SELP: variants seen among roughly 807,000 people sequenced by gnomAD.
SELP encodes the protein selectin P.
SELP carries 92 observed loss-of-function variants against 104.1 expected under a neutral mutation model. The ratio of observed to expected loss-of-function variants is 0.88; its 90% confidence interval spans 0.75 to 1.05. The LOEUF is 1.05. Ranked by LOEUF, SELP falls within the 50% of genes least tolerant of loss-of-function variation. The pLI is 0.00. For synonymous variants in SELP, 397 were observed against 364.5 expected (o/e 1.09, Z -1.01); for missense variants, 1,022 against 1,017.3 (o/e 1.00, Z -0.06).
At chr1:169,593,516 G>T in intron 14 of SELP, 89 bp downstream of exon 14, 1 of 1,104,184 alleles carries the variant, frequency 9.1e-7, no homozygotes, top group Non-Finnish European at 1.3e-6. Flanking sequence ...CTGAAGTTGT[G>T]GTTTTTGCCT....
chr1:169,625,313 T>C (rs1387677244), intron 1 of SELP, among the ~76,000 whole-genome samples: 2 of 152,216 alleles, frequency 1.3e-5, no homozygotes, highest in Non-Finnish European at 2.9e-5. Flanking sequence ...CTGAGTCTTC[T>C]TCTGAATCTA....
intron 1 of SELP, among the ~76,000 whole-genome samples, chr1:169,626,361 C>T (rs1663373563): frequency 6.6e-6 from 1 of 152,306 alleles, no homozygotes; most frequent in African/African-American, 2.4e-5. Flanking sequence ...GCAGGCAGAT[C>T]CCTTGAGGTC....
intron 14 of SELP, among the ~76,000 whole-genome samples, chr1:169,593,106 C>T (rs973827680): frequency 5.9e-5 from 9 of 152,274 alleles, no homozygotes; most frequent in East Asian, 1.9e-4. Context: ...ACTTCACTAC[C>T]GGCACTGATT....
At chr1:169,608,637 A>G (rs1662324404) in intron 8 of SELP, among the ~76,000 whole-genome samples, 2 of 152,114 alleles carry the variant, frequency 1.3e-5, no homozygotes, top group African/African-American at 4.8e-5. Context: ...GGTTGCTTCC[A>G]CATTTTAACT....
chr1:169,623,042 C>A lies in SELP; in HGVS notation c.4-3823G>T, dbSNP rs1571680438. Among the ~76,000 whole-genome samples, 5 of 152,310 alleles carry A rather than the reference C, an allele frequency of 3.3e-5. No homozygotes were observed. In the South Asian group the frequency reaches 1.0e-3, roughly 32 times the overall value. On this transcript the variant is annotated intron_variant, in intron 1 of 16. Transcript: ENST00000263686. The stretch of plus-strand genomic sequence containing the variant: ...TAAAATTTGGGATAAAAAATTGTAG[C>A]TTTCCACTTAGAAAGGTGTAAGAGG...
chr1:169,623,958 C>A (rs1663255536), intron 1 of SELP, among the ~76,000 whole-genome samples: 1 of 152,160 alleles, frequency 6.6e-6, no homozygotes, highest in African/African-American at 2.4e-5. Context: ...TTTTGAAAAT[C>A]TGATAAAAGC....
chr1:169,625,471 T>C (rs1362479062), intron 1 of SELP, among the ~76,000 whole-genome samples: 1 of 152,168 alleles, frequency 6.6e-6, no homozygotes, highest in Non-Finnish European at 1.5e-5. Flanking sequence ...CTAATCAGCA[T>C]CTCCGTTTCT....
chr1:169,629,444 T>C (rs1296454889), intron 1 of SELP, among the ~76,000 whole-genome samples: 2 of 152,224 alleles, frequency 1.3e-5, no homozygotes, highest in Non-Finnish European at 2.9e-5. Context: ...GATGAAACTA[T>C]AGAGTATTAT....
At position 169,595,929 on chromosome 1, in the gene SELP, G is replaced by A; in HGVS notation, c.2097C>T (p.Cys699=). The A allele has an allele frequency of 1.2e-6, 2 of 1,613,306 alleles. No individual in the cohort carries two copies. The highest frequency in any genetic ancestry group is 1.7e-6 in the Non-Finnish European group (2 of 1,179,622). ...GCCTGCTCCTTTTCACCTTACCTCT[G>A]CATGCTGGAGTTACTGCTGTCCATT... ...SGQWTAVTPA[C]RAVKCSELHV... Residue 699 remains cysteine (C), a synonymous_variant, in exon 12 of 17, where the codon TGC becomes TGT. Transcript: ENST00000263686.
chr1:169,621,172 TGTG>T (rs561274491), intron 1 of SELP, among the ~76,000 whole-genome samples: 2,065 of 147,846 alleles, frequency 0.014, 68 homozygotes, highest in African/African-American at 0.037. Context: ...GGGTTGTGTG[TGTG>T]TTCGTGTGTC....
intron 10 of SELP, among the ~76,000 whole-genome samples, chr1:169,602,441 A>G (rs753103101): frequency 1.3e-5 from 2 of 152,352 alleles, no homozygotes; most frequent in Non-Finnish European, 2.9e-5. Flanking sequence ...ACTTTCAGTG[A>G]CATAGAGCTG....
intron 8 of SELP, 37 bp downstream of exon 8, chr1:169,609,467 T>C (rs987264049): frequency 3.8e-6 from 6 of 1,583,166 alleles, no homozygotes; most frequent in Middle Eastern, 1.7e-4. Context: ...TCTAACGAGC[T>C]GAGACACACA....
chr1:169,603,307 C>CTCTG lies in SELP; in HGVS notation c.1520-97_1520-96insCAGA, dbSNP rs879181764. On this transcript the variant is annotated intron_variant, in intron 9 of 16. Coordinates refer to ENST00000263686, the MANE Select transcript of SELP (RefSeq NM_003005.4). Reference sequence around the variant, plus strand: ...TCTCTCTCTTTCTCCCTCTCTCTCTCTGTGTGTGTGTGTGTGTGTGTGTGT... The same window carrying CTCTG: ...TCTCTCTCTTTCTCCCTCTCTCTCTCTCTGTGTGTGTGTGTGTGTGTGTGTGTGT... 1,741 of 605,354 alleles carry CTCTG rather than the reference C, an allele frequency of 2.9e-3. 14 individuals are homozygous for CTCTG. The highest frequency in any genetic ancestry group is 0.021 in the African/African-American group (980 of 45,670). The allele number at this position is 605,354 out of a possible 1,614,324, so 37.5% of individuals were successfully genotyped here.
intron 10 of SELP, 119 bp downstream of exon 10, chr1:169,602,907 A>G: frequency 1.5e-6 from 1 of 688,820 alleles, no homozygotes; most frequent in South Asian, 3.3e-5. Flanking sequence ...CTAGATTACC[A>G]TTGTTGTGGA....
chr1:169,610,203 C>T (rs554548034), intron 7 of SELP, among the ~76,000 whole-genome samples: 78 of 151,666 alleles, frequency 5.1e-4, no homozygotes, highest in African/African-American at 1.8e-3. Flanking sequence ...GCTGGACTAG[C>T]ATAGCTTATT....
chr1:169,594,600 G>T, intron 13 of SELP, 92 bp downstream of exon 13: 3 of 1,280,604 alleles, frequency 2.3e-6, no homozygotes, highest in Non-Finnish European at 3.3e-6. Context: ...GGGATGGAAA[G>T]CAAGACCACT....
chr1:169,622,971 G>C (rs1428692689), intron 1 of SELP, among the ~76,000 whole-genome samples: 1 of 152,152 alleles, frequency 6.6e-6, no homozygotes, highest in East Asian at 1.9e-4. Context: ...TATTTTTACA[G>C]TCTAATTTTT....
chr1:169,610,639 A>G (rs746216555), intron 7 of SELP, among the ~76,000 whole-genome samples: 4 of 152,072 alleles, frequency 2.6e-5, no homozygotes, highest in South Asian at 2.1e-4. Context: ...CTCTATTAAA[A>G]ATACAAAAAG....
At chr1:169,605,819 G>T (rs3766126) in intron 9 of SELP, among the ~76,000 whole-genome samples, 49,781 of 152,042 alleles carry the variant, frequency 0.33, 10,678 homozygotes, top group East Asian at 0.95. Context: ...TATTTCTGCA[G>T]ATTTTTATAA....
Sources: gnomAD v4.1 joint callset for allele counts (sites outside exome capture counted in the v4.1 genomes callset) on GRCh38, gnomAD v4.1.1 for gene constraint, MANE v1.5 for transcripts, NCBI Gene and HGNC (gene_info 2026-07-23, HGNC 2026-07-21) for gene names.